PHF21A: variants seen among roughly 807,000 people sequenced by gnomAD.
PHF21A encodes BHC80a.
A neutral mutation model predicts 82.5 loss-of-function variants in PHF21A; 11 were observed. That is an observed-to-expected ratio of 0.13 (90% CI 0.08 to 0.22). PHF21A has a LOEUF of 0.22. PHF21A is among the 10% of genes least tolerant of loss of function. PHF21A has a pLI of 1.00. For synonymous variants in PHF21A, 297 were observed against 302.8 expected, an observed-to-expected ratio of 0.98 and a Z score of 0.20; for missense variants, 579 against 837.8, an observed-to-expected ratio of 0.69 and a Z score of 3.81.
intron 7 of PHF21A, among the ~76,000 whole-genome samples, chr11:45,974,661 C>T (rs1034707161): frequency 1.2e-4 from 19 of 152,002 alleles, no homozygotes; most frequent in Admixed American, 1.2e-3. Context: ...CGCTATGTTG[C>T]CCAGGCTGGT....
In PHF21A at chr11:45,971,890, C is replaced by CTTTCTTTTTTTTTTT. The variant is rs57081937; in HGVS notation, c.361-524_361-523insAAAAAAAAAAAGAAA. On this transcript the variant is annotated intron_variant, in intron 7 of 18. Coordinates refer to ENST00000676320, the MANE Select transcript of PHF21A (RefSeq NM_001352027.3). ...GTAAAAGGACAGTGTCTTTTTCTTT[C>CTTTCTTTTTTTTTTT]TTTTTTTTTTTTTTTATGGTGTCAC... is the stretch of plus-strand genomic sequence containing the variant. Among the ~76,000 whole-genome samples the CTTTCTTTTTTTTTTT allele has an allele frequency of 2.6e-4, 13 of 50,294 alleles. 1 individual carries two copies. The highest frequency in any genetic ancestry group is 3.2e-4 in the Admixed American group (1 of 3,148). The allele number at this position is 50,294 out of a possible 152,430, so 33.0% of individuals were successfully genotyped here.
At chr11:46,020,860 A>C (rs2095614194) in intron 6 of PHF21A, among the ~76,000 whole-genome samples, 3 of 152,248 alleles carry the variant, frequency 2.0e-5, no homozygotes, top group Admixed American at 2.0e-4. Context: ...ATATGCATTC[A>C]GTAAGCTTCT....
At chr11:46,023,033 G>GGCTGAGATTA (rs1565590359) in intron 6 of PHF21A, among the ~76,000 whole-genome samples, 2 of 152,194 alleles carry the variant, frequency 1.3e-5, no homozygotes, top group Admixed American at 6.5e-5. Context: ...TTATGGGCAT[G>GGCTGAGATTA]AGCCACCGCG....
At chr11:45,995,719 T>A (rs563507956) in intron 6 of PHF21A, among the ~76,000 whole-genome samples, 6 of 152,314 alleles carry the variant, frequency 3.9e-5, no homozygotes, top group African/African-American at 1.4e-4. Context: ...ACTGCAGACT[T>A]AAGCAGAAGC....
At chr11:46,015,985 C>T (rs2095510352) in intron 6 of PHF21A, among the ~76,000 whole-genome samples, 1 of 152,082 alleles carries the variant, frequency 6.6e-6, no homozygotes, top group Non-Finnish European at 1.5e-5. Flanking sequence ...AACACATAAA[C>T]TGATAACACA....
At chr11:46,037,367 C>A (rs1272602203) in intron 6 of PHF21A, among the ~76,000 whole-genome samples, 1 of 152,170 alleles carries the variant, frequency 6.6e-6, no homozygotes, top group Non-Finnish European at 1.5e-5. Flanking sequence ...CTCGGCCTGG[C>A]ACAGTGGCTC....
chr11:45,986,494 T>C (rs1267727421), intron 6 of PHF21A, among the ~76,000 whole-genome samples: 3 of 152,172 alleles, frequency 2.0e-5, no homozygotes, highest in Admixed American at 2.0e-4. Context: ...ACGACGATGC[T>C]GCAGCAAAAA....
At chr11:45,967,990 G>T (rs1177511464) in intron 9 of PHF21A, among the ~76,000 whole-genome samples, 1 of 152,150 alleles carries the variant, frequency 6.6e-6, no homozygotes, top group Non-Finnish European at 1.5e-5. Context: ...CAACAAGTGG[G>T]TCATGATCCA....
chr11:46,048,390 C>T (rs979843451), intron 6 of PHF21A, among the ~76,000 whole-genome samples: 2 of 151,874 alleles, frequency 1.3e-5, no homozygotes, highest in African/African-American at 4.8e-5. Context: ...ATGGATATAC[C>T]ACACTTTATT....
rs1221081243 is a variant in PHF21A at position 45,934,121 on chromosome 11, G to A, written c.1893C>T (p.Leu631=). 4 of 1,614,100 alleles carry A rather than the reference G, an allele frequency of 2.5e-6. No homozygotes were observed. Among genetic ancestry groups the A allele is most frequent in the Non-Finnish European group, 3.4e-6 (4 of 1,180,052 alleles). The part of the protein sequence containing the change: ...QLIRLIHGID[L]SKPVDSEATV... ...TGGCCTCAGAGTCTACAGGTTTGGA[G>A]AGGTCGATGCCGTGGATGAGGCGAA... is the stretch of plus-strand genomic sequence containing the variant. Residue 631 remains leucine, a synonymous_variant, in exon 19 of 19, where the codon CTC becomes CTT. Transcript: ENST00000676320.
At chr11:46,024,407 T>C (rs1489165143) in intron 6 of PHF21A, among the ~76,000 whole-genome samples, 1 of 152,204 alleles carries the variant, frequency 6.6e-6, no homozygotes, top group East Asian at 1.9e-4. Context: ...ATTAAAACAA[T>C]GCTTTTAATT....
chr11:46,073,689 ACT>A (rs1252993103), intron 6 of PHF21A, among the ~76,000 whole-genome samples: 1 of 152,166 alleles, frequency 6.6e-6, no homozygotes, highest in Non-Finnish European at 1.5e-5. Flanking sequence ...AGTTGTGTAT[ACT>A]CTCACTTATT....
chr11:46,013,112 G>A (rs575816880), intron 6 of PHF21A, among the ~76,000 whole-genome samples: 9 of 152,178 alleles, frequency 5.9e-5, no homozygotes, highest in African/African-American at 9.6e-5. Flanking sequence ...ATTTAAACCC[G>A]GTTAAACTGG....
chr11:46,008,864 A>C (rs1399912954), intron 6 of PHF21A, among the ~76,000 whole-genome samples: 1 of 151,544 alleles, frequency 6.6e-6, no homozygotes. Context: ...ATCCACTCCC[A>C]TTCCACTACT....
At chr11:46,020,927 A>T (rs1000529197) in intron 6 of PHF21A, among the ~76,000 whole-genome samples, 8 of 152,294 alleles carry the variant, frequency 5.3e-5, no homozygotes, top group African/African-American at 1.7e-4. Flanking sequence ...ATCCATTGTA[A>T]ACTGAAAATA....
At chr11:46,008,988 T>TC (rs2095357908) in intron 6 of PHF21A, among the ~76,000 whole-genome samples, 1 of 148,760 alleles carries the variant, frequency 6.7e-6, no homozygotes, top group Non-Finnish European at 1.5e-5. Flanking sequence ...TTTTTTTTTT[T>TC]TTTTTGGAGA....
At chr11:46,095,270 T>C (rs1370783016) in intron 1 of PHF21A, among the ~76,000 whole-genome samples, 1 of 152,218 alleles carries the variant, frequency 6.6e-6, no homozygotes, top group Non-Finnish European at 1.5e-5. Context: ...GTTTGTGCTT[T>C]TTACACTATC....
At position 45,933,833 on chromosome 11, in the gene PHF21A, A is replaced by G. The variant is rs889218530; in HGVS notation, c.*135T>C. The G allele has an allele frequency of 4.9e-6, 4 of 823,046 alleles. No homozygotes were observed. Among genetic ancestry groups the G allele is most frequent in the Non-Finnish European group, 7.2e-6 (4 of 553,860 alleles). 51.0% of individuals were successfully genotyped at this position (823,046 alleles called of 1,614,324 possible). On this transcript the variant is annotated 3_prime_UTR_variant, in exon 19 of 19. Transcript: ENST00000676320. Reference sequence around the variant, plus strand: ...AACTCTGGTGCCACCTGGCACAAGCATCTTCTCTCTCTCTGGAACCAAAGA... The same window carrying G: ...AACTCTGGTGCCACCTGGCACAAGCGTCTTCTCTCTCTCTGGAACCAAAGA...
chr11:46,120,781 GAT>G (rs1853062335), intron 1 of PHF21A, among the ~76,000 whole-genome samples, 152 bp downstream of exon 1: 1 of 151,150 alleles, frequency 6.6e-6, no homozygotes, highest in African/African-American at 2.4e-5. Flanking sequence ...GGCAGCCCCT[GAT>G]CCTCCCAGAG....
Sources: gnomAD v4.1 joint callset for allele counts (sites outside exome capture counted in the v4.1 genomes callset) on GRCh38, gnomAD v4.1.1 for gene constraint, MANE v1.5 for transcripts, NCBI Gene and HGNC (gene_info 2026-07-23, HGNC 2026-07-21) for gene names.